The following CCSER1 variants were observed in gnomAD, a reference collection of about 807,000 sequenced individuals.
CCSER1 encodes serine-rich coiled-coil domain-containing protein 1.
In CCSER1, 41 loss-of-function variants were observed where a neutral mutation model predicts 82.0. That is an observed-to-expected ratio of 0.50 (90% CI 0.39 to 0.65). CCSER1 has a LOEUF of 0.65. CCSER1 is among the 30% of genes least tolerant of loss of function. The pLI is 0.00. For synonymous variants in CCSER1, 414 were observed against 383.9 expected, an observed-to-expected ratio of 1.08 and a Z score of -0.92; for missense variants, 1,119 against 1,064.2, an observed-to-expected ratio of 1.05 and a Z score of -0.72.
intron 10 of CCSER1, among the ~76,000 whole-genome samples, chr4:91,380,218 A>G (rs975997498): frequency 6.6e-6 from 1 of 152,152 alleles, no homozygotes; most frequent in Admixed American, 6.5e-5. Flanking sequence ...AATAATATAT[A>G]TTCTGTTGAT....
intron 1 of CCSER1, among the ~76,000 whole-genome samples, chr4:90,257,787 T>C (rs935353927): frequency 6.6e-6 from 1 of 152,122 alleles, no homozygotes; most frequent in Non-Finnish European, 1.5e-5. Flanking sequence ...AGAATTTTGA[T>C]ATTGTAGCTC....
Position 91,420,999 on chromosome 4 carries a change from A to G in CCSER1, c.2218-177573A>G, listed in dbSNP as rs2178655. Among the ~76,000 whole-genome samples the G allele has an allele frequency of 9.9e-3, 1,501 of 152,308 alleles. 14 individuals are homozygous for G. Among genetic ancestry groups the G allele is most frequent in the Non-Finnish European group, 0.014 (984 of 68,030 alleles). On this transcript the variant is annotated intron_variant, in intron 10 of 10. Coordinates refer to ENST00000509176, the MANE Select transcript of CCSER1 (RefSeq NM_001145065.2). ...GATCTCACTTACGTGTAGAATCTAA[A>G]AAAGTCTAACTTACAGAAGCAGAGC... is the stretch of plus-strand genomic sequence containing the variant.
chr4:91,004,056 C>A (rs965038527), intron 9 of CCSER1, among the ~76,000 whole-genome samples: 5 of 152,214 alleles, frequency 3.3e-5, no homozygotes, highest in Non-Finnish European at 5.9e-5. Context: ...ACAGTTTGGG[C>A]ACCCACATTA....
intron 1 of CCSER1, among the ~76,000 whole-genome samples, chr4:90,246,834 C>A (rs6821731): frequency 0.045 from 6,798 of 152,050 alleles, 394 homozygotes; most frequent in African/African-American, 0.13. Context: ...TCTTATTGTA[C>A]TGTTGATCTT....
At chr4:91,297,416 T>TGTGTG (rs1744298570) in intron 10 of CCSER1, among the ~76,000 whole-genome samples, 1 of 141,532 alleles carries the variant, frequency 7.1e-6, no homozygotes, top group African/African-American at 2.6e-5. Flanking sequence ...TGTGTGTGTG[T>TGTGTG]GTGTGTGTTA....
At chr4:90,572,741 T>C (rs1269477052) in intron 5 of CCSER1, among the ~76,000 whole-genome samples, 1 of 152,208 alleles carries the variant, frequency 6.6e-6, no homozygotes, top group Non-Finnish European at 1.5e-5. Flanking sequence ...CTTATTTTAC[T>C]GGATTGTTTC....
intron 4 of CCSER1, among the ~76,000 whole-genome samples, chr4:90,422,537 G>A (rs569959493): frequency 6.6e-6 from 1 of 152,112 alleles, no homozygotes; most frequent in Non-Finnish European, 1.5e-5. Context: ...TGAGGCTGCT[G>A]TGAGTCATGA....
At chr4:90,788,381 A>G (rs1315463456) in intron 7 of CCSER1, among the ~76,000 whole-genome samples, 1 of 152,174 alleles carries the variant, frequency 6.6e-6, no homozygotes, top group South Asian at 2.1e-4. Flanking sequence ...TAGACAATGG[A>G]AATCTATTGT....
Position 90,703,349 on chromosome 4 carries a change from A to C in CCSER1, c.1933-20565A>C, listed in dbSNP as rs149052485. Among the ~76,000 whole-genome samples, 877 of 152,158 alleles carry C rather than the reference A, an allele frequency of 5.8e-3. 12 individuals are homozygous for C. The highest frequency in any genetic ancestry group is 0.02 in the African/African-American group (836 of 41,492). On this transcript the variant is annotated intron_variant, in intron 6 of 10. Transcript: ENST00000509176. ...TGTGTTCTGAGAGACAGTTTGTTAT[A>C]ATTTCTGTTCTTTTCCATTTGCTGA...
chr4:90,716,202 G>C (rs1741613532), intron 6 of CCSER1, among the ~76,000 whole-genome samples: 1 of 151,812 alleles, frequency 6.6e-6, no homozygotes, highest in African/African-American at 2.4e-5. Flanking sequence ...CTGGTCACTA[G>C]TGGTAAAAGA....
chr4:91,115,204 T>A (rs75834472), intron 10 of CCSER1, among the ~76,000 whole-genome samples: 2,306 of 152,326 alleles, frequency 0.015, 61 homozygotes, highest in African/African-American at 0.053. Flanking sequence ...ACCAACTTTG[T>A]CAATATTTGC....
At position 91,270,896 on chromosome 4, in the gene CCSER1, T is replaced by C. The variant is rs549049144; in HGVS notation, c.2217+184902T>C. Among the ~76,000 whole-genome samples, 15 of 152,280 alleles carry C rather than the reference T, an allele frequency of 9.9e-5. No homozygotes were observed. The South Asian group carries it at 2.9e-3, about 29-fold the overall frequency. ...TGCTATGAAACACTGAAAAAAATAG[T>C]TAAATAAATGTAATGATATTCATGA... On this transcript the variant is annotated intron_variant, in intron 10 of 10. Transcript: ENST00000509176.
intron 10 of CCSER1, among the ~76,000 whole-genome samples, chr4:91,384,552 CATT>C (rs1751151690): frequency 6.6e-6 from 1 of 151,734 alleles, no homozygotes; most frequent in Non-Finnish European, 1.5e-5. Flanking sequence ...ATATTACTCA[CATT>C]ATGTGCAAGA....
intron 6 of CCSER1, among the ~76,000 whole-genome samples, chr4:90,721,256 G>A (rs979917995): frequency 2.0e-5 from 3 of 151,810 alleles, no homozygotes; most frequent in Non-Finnish European, 4.4e-5. Flanking sequence ...ATCTGTGCTA[G>A]TGTTTGAAAG....
At chr4:90,543,781 A>G (rs1776398436) in intron 5 of CCSER1, among the ~76,000 whole-genome samples, 2 of 152,170 alleles carry the variant, frequency 1.3e-5, no homozygotes, top group South Asian at 4.1e-4. Flanking sequence ...GTCATTTTCA[A>G]CTGGCCATTT....
At chr4:90,534,867 T>G (rs549676039) in intron 5 of CCSER1, among the ~76,000 whole-genome samples, 1 of 152,314 alleles carries the variant, frequency 6.6e-6, no homozygotes, top group African/African-American at 2.4e-5. Flanking sequence ...CATTTAAGGG[T>G]GCTCTAATGC....
intron 5 of CCSER1, among the ~76,000 whole-genome samples, chr4:90,538,250 T>C (rs887773601): frequency 6.6e-6 from 1 of 152,164 alleles, no homozygotes; most frequent in Admixed American, 6.5e-5. Flanking sequence ...GATTTCCTGA[T>C]TTTCCTCTTT....
intron 5 of CCSER1, among the ~76,000 whole-genome samples, chr4:90,552,290 A>G (rs1777614012): frequency 6.6e-6 from 1 of 152,078 alleles, no homozygotes; most frequent in Non-Finnish European, 1.5e-5. Flanking sequence ...TCAATTGATG[A>G]TTTTCTTTTT....
rs778317007 is a variant in CCSER1 at position 91,174,222 on chromosome 4, CTT to C, written c.2217+88231_2217+88232del. ...AACACATTCTATTTTGGATGGCAGTCTTTTCTTTCCTTCTTATTTTTTAAACA... is the reference window on the plus strand; with the variant it reads ...AACACATTCTATTTTGGATGGCAGTCTTCTTTCCTTCTTATTTTTTAAACA... On this transcript the variant is annotated intron_variant, in intron 10 of 10. Transcript: ENST00000509176. 2.0e-4 allele frequency among the ~76,000 whole-genome samples: 31 copies of C among 152,170 alleles called. 3 individuals carry two copies. In the East Asian group the frequency reaches 4.2e-3, roughly 21 times the overall value.
Sources: gnomAD v4.1 joint callset for allele counts (sites outside exome capture counted in the v4.1 genomes callset) on GRCh38, gnomAD v4.1.1 for gene constraint, MANE v1.5 for transcripts, NCBI Gene and HGNC (gene_info 2026-07-23, HGNC 2026-07-21) for gene names.